The following KIN variants were observed in gnomAD, a reference collection of about 807,000 sequenced individuals.
KIN encodes the protein Kin17 DNA and RNA binding protein.
KIN carries 47 observed loss-of-function variants against 63.0 expected under a neutral mutation model. The ratio of observed to expected loss-of-function variants is 0.75; its 90% CI spans 0.59 to 0.95. The LOEUF (loss-of-function observed/expected upper bound fraction) is 0.95, where lower values mean the gene tolerates loss of function less well. Ranked by LOEUF, KIN falls within the 40% of genes least tolerant of loss-of-function variation. The probability of loss-of-function intolerance (pLI) is 0.00; values close to 1 mark genes in which losing one functional copy is unlikely to be tolerated. For synonymous variants in KIN, 160 were observed against 157.7 expected (o/e 1.01, Z -0.11); for missense variants, 408 against 460.9 (o/e 0.89, Z 1.05).
intron 7 of KIN, 35 bp downstream of exon 7, chr10:7,774,796 A>G (rs377270593): frequency 4.3e-5 from 65 of 1,524,868 alleles, no homozygotes; most frequent in Non-Finnish European, 5.6e-5. Context: ...CAAAAATCCT[A>G]ATGTTTTAAG....
At chr10:7,772,211 T>C (rs1195246920) in intron 7 of KIN, among the ~76,000 whole-genome samples, 5 of 152,178 alleles carry the variant, frequency 3.3e-5, no homozygotes, top group African/African-American at 4.8e-5. Flanking sequence ...CAAGAGATGT[T>C]AATAAATGAG....
Position 7,752,919 on chromosome 10 carries a change from G to C in KIN, c.*3161C>G, listed in dbSNP as rs944082584. The C allele has an allele frequency of 2.0e-5, 3 of 152,228 alleles. No homozygotes were observed. The highest frequency in any genetic ancestry group is 4.4e-5 in the Non-Finnish European group (3 of 68,066). The allele number at this position is 152,228 out of a possible 1,614,324, so 9.4% of individuals were successfully genotyped here. ...AGATCAGCGGTCAGCAGGGATTTGG[G>C]GGGAGACAGGGAACAGACAGAACAC... On this transcript the variant is annotated 3_prime_UTR_variant, in exon 13 of 13. Transcript: ENST00000379562.
At position 7,774,888 on chromosome 10, in the gene KIN, G is replaced by A. The variant is rs146426920; in HGVS notation, c.611C>T (p.Thr204Met). 4.1e-5 allele frequency: 66 copies of A among 1,609,546 alleles called. No homozygotes were observed. The highest frequency in any genetic ancestry group is 4.0e-4 in the African/African-American group (30 of 74,912). Reference sequence around the variant, plus strand: ...ACATGCTCCTTTACTCAAATTAAACGTGACTAGAAGAAAAAAATGTTATTC... The same window carrying A: ...ACATGCTCCTTTACTCAAATTAAACATGACTAGAAGAAAAAAATGTTATTC... ...LSRENDEEKV[T>M]FNLSKGACSS... is the part of the protein sequence containing the mutation. Residue 204 changes from threonine (T) to methionine (M), a missense_variant, in exon 7 of 13, where the codon ACG becomes ATG. By Grantham distance (81) the Thr-to-Met change is moderately conservative. Coordinates refer to ENST00000379562, the MANE Select transcript of KIN (RefSeq NM_012311.4).
intron 2 of KIN, among the ~76,000 whole-genome samples, chr10:7,781,750 CAAAAAAAAA>C (rs34969604): frequency 5.9e-5 from 4 of 67,980 alleles, no homozygotes; most frequent in East Asian, 3.9e-4. Flanking sequence ...AAGACCCTGT[CAAAAAAAAA>C]AAAAAAAAAA....
intron 1 of KIN, among the ~76,000 whole-genome samples, chr10:7,784,176 T>C (rs551029574): frequency 2.6e-5 from 4 of 152,278 alleles, no homozygotes; most frequent in Admixed American, 1.3e-4. Context: ...CAGGAGTAGA[T>C]TGGGGGGATA....
intron 2 of KIN, among the ~76,000 whole-genome samples, chr10:7,782,431 C>T (rs1429352836): frequency 6.8e-6 from 1 of 147,960 alleles, no homozygotes; most frequent in Admixed American, 6.8e-5. Context: ...CAGAGTCTTG[C>T]TCTGTCGCCC....
At position 7,756,026 on chromosome 10, in the gene KIN, G is replaced by A. The variant is rs113920374; in HGVS notation, c.*54C>T. On this transcript the variant is annotated 3_prime_UTR_variant, in exon 13 of 13. Transcript: ENST00000379562. ...CAGTAGAGTCTCATAATGCCTTGGC[G>A]AACACCAATTTGATGCTTTAAGATT... 85 of 1,090,224 alleles carry A rather than the reference G, an allele frequency of 7.8e-5. No homozygotes were observed. The African/African-American group carries it at 9.9e-4, about 13-fold the overall frequency. The allele number at this position is 1,090,224 out of a possible 1,614,324, so 67.5% of individuals were successfully genotyped here.
In KIN at chr10:7,755,982, A is replaced by G. The variant is rs1023762142; in HGVS notation, c.*98T>C. 6.3e-6 allele frequency: 4 copies of G among 638,846 alleles called. No homozygotes were observed. Among genetic ancestry groups the G allele is most frequent in the Non-Finnish European group, 1.1e-5 (4 of 374,158 alleles). 39.6% of individuals were successfully genotyped at this position (638,846 alleles called of 1,614,324 possible). A position where few individuals can be genotyped will look rare whatever the true frequency, so the allele number is the denominator to read the frequency against. On this transcript the variant is annotated 3_prime_UTR_variant, in exon 13 of 13. Coordinates refer to ENST00000379562, the MANE Select transcript of KIN (RefSeq NM_012311.4). ...TTTCAAAAACCTGTTTGTTTTATAC[A>G]AAAGAATATACCCTAACACAGTAGA...
chr10:7,766,122 C>T lies in KIN; in HGVS notation c.799-19G>A. On this transcript the variant is annotated intron_variant, in intron 8 of 12. Coordinates refer to ENST00000379562, the MANE Select transcript of KIN (RefSeq NM_012311.4). ...CTTCAATCTGTAGAACACATAATGTCTTAAATTATCTCCCTAAAATCCTCA... is the reference window on the plus strand; with the variant it reads ...CTTCAATCTGTAGAACACATAATGTTTTAAATTATCTCCCTAAAATCCTCA... 6.4e-7 allele frequency: 1 copy of T among 1,556,910 alleles called. No individual in the cohort carries two copies. Among genetic ancestry groups the T allele is most frequent in the Non-Finnish European group, 8.8e-7 (1 of 1,132,200 alleles).
intron 11 of KIN, 129 bp from the exon 12 acceptor site, chr10:7,760,119 C>T (rs1835411276): frequency 2.0e-6 from 1 of 511,518 alleles, no homozygotes; most frequent in Non-Finnish European, 3.4e-6. Flanking sequence ...TAGAAGTTCT[C>T]AATCATTTAA....
intron 7 of KIN, among the ~76,000 whole-genome samples, chr10:7,770,986 G>A (rs1002799667): frequency 4.6e-5 from 7 of 152,100 alleles, no homozygotes; most frequent in Admixed American, 1.3e-4. Flanking sequence ...TAACTGTCAG[G>A]CTTTCCATTT....
chr10:7,782,779 G>C (rs1835923437), intron 2 of KIN, among the ~76,000 whole-genome samples: 1 of 152,142 alleles, frequency 6.6e-6, no homozygotes, highest in Non-Finnish European at 1.5e-5. Context: ...TTTTTAAATG[G>C]AGAAGGATTT....
At chr10:7,783,636 T>C (rs1180425355) in intron 1 of KIN, among the ~76,000 whole-genome samples, 1 of 152,196 alleles carries the variant, frequency 6.6e-6, no homozygotes, top group East Asian at 1.9e-4. Flanking sequence ...TTGCTGCATA[T>C]TATATTAACC....
At chr10:7,777,147 A>G (rs2131020881) in intron 5 of KIN, among the ~76,000 whole-genome samples, 1 of 151,738 alleles carries the variant, frequency 6.6e-6, no homozygotes, top group East Asian at 1.9e-4. Context: ...CAGCTTTTCT[A>G]TGCCAAACTG....
intron 1 of KIN, among the ~76,000 whole-genome samples, chr10:7,786,963 C>A (rs1428662893): frequency 6.6e-6 from 1 of 152,182 alleles, no homozygotes; most frequent in Non-Finnish European, 1.5e-5. Flanking sequence ...CCTCAGTGTT[C>A]TTCCACCCTT....
intron 1 of KIN, among the ~76,000 whole-genome samples, chr10:7,787,444 C>T (rs935936336): frequency 2.0e-5 from 3 of 152,232 alleles, no homozygotes; most frequent in Admixed American, 6.5e-5. Flanking sequence ...GAATCCTAAC[C>T]ACCCTGTTTC....
rs763896033 is a variant in KIN at position 7,762,438 on chromosome 10, G to C, written c.1018+19C>G. Reference sequence around the variant, plus strand: ...CATTTTGATGGCATATGTATTAAATGGTCTGCAAACAGATTTACCTGGTGC... The same window carrying C: ...CATTTTGATGGCATATGTATTAAATCGTCTGCAAACAGATTTACCTGGTGC... On this transcript the variant is annotated intron_variant, in intron 11 of 12. Coordinates refer to ENST00000379562, the MANE Select transcript of KIN (RefSeq NM_012311.4). 7.0e-7 allele frequency: 1 copy of C among 1,422,964 alleles called. No homozygotes were observed. Among genetic ancestry groups the C allele is most frequent in the East Asian group, 2.3e-5 (1 of 43,720 alleles). The allele number at this position is 1,422,964 out of a possible 1,614,324, so 88.1% of individuals were successfully genotyped here.
intron 7 of KIN, among the ~76,000 whole-genome samples, chr10:7,769,644 A>G (rs1016827001): frequency 1.3e-5 from 2 of 152,130 alleles, no homozygotes; most frequent in East Asian, 1.9e-4. Context: ...TACTTTGTAT[A>G]GTAGAATGAT....
Position 7,778,816 on chromosome 10 carries a change from C to T in KIN, c.558+22G>A, listed in dbSNP as rs376035566. The stretch of plus-strand genomic sequence containing the variant: ...CTTTAGACCTCTGGACGTTGCTTCT[C>T]AGGATGATGTTGCTTACCCACCTGT... On this transcript the variant is annotated intron_variant, in intron 5 of 12. Transcript: ENST00000379562. The T allele has an allele frequency of 5.0e-6, 8 of 1,609,370 alleles. No homozygotes were observed. The African/African-American group carries it at 9.4e-5, about 19-fold the overall frequency.
Sources: gnomAD v4.1 joint callset for allele counts (sites outside exome capture counted in the v4.1 genomes callset) on GRCh38, gnomAD v4.1.1 for gene constraint, MANE v1.5 for transcripts, NCBI Gene and HGNC (gene_info 2026-07-23, HGNC 2026-07-21) for gene names.